SORCS3: variants seen among roughly 807,000 people sequenced by gnomAD.
SORCS3 encodes VPS10 domain-containing receptor SorCS3.
In SORCS3, 57 loss-of-function variants were observed where a neutral mutation model predicts 146.3. The observed-to-expected ratio is 0.39, with a 90% CI of 0.31 to 0.49. The LOEUF is 0.49. Among genes scored for constraint, SORCS3 ranks in the 20% least tolerant of loss-of-function variants. The pLI is 0.92. For missense variants in SORCS3, 1,341 were observed against 1,575.5 expected (o/e 0.85, Z 2.52); for synonymous variants, 653 against 618.5 (o/e 1.06, Z -0.83).
At chr10:104,654,213 A>G (rs189532727) in intron 1 of SORCS3, among the ~76,000 whole-genome samples, 2 of 152,352 alleles carry the variant, frequency 1.3e-5, no homozygotes, top group Admixed American at 6.5e-5. Flanking sequence ...GTTGATGGAC[A>G]GTCAGGTTGC....
At position 104,960,811 on chromosome 10, in the gene SORCS3, A is replaced by G. The variant is rs115578743; in HGVS notation, c.796-16524A>G. 2.6e-3 allele frequency among the ~76,000 whole-genome samples: 389 copies of G among 152,298 alleles called. 2 individuals carry two copies. Among genetic ancestry groups the G allele is most frequent in the African/African-American group, 8.8e-3 (367 of 41,566 alleles). On this transcript the variant is annotated intron_variant, in intron 3 of 26. Transcript: ENST00000369701. ...TCCTATAGGAAGAATTTAAGGTCCA[A>G]TGGAAAAAACAGGGTTAGCAGGTGA...
intron 1 of SORCS3, among the ~76,000 whole-genome samples, chr10:104,671,235 A>C (rs1203336483): frequency 6.7e-6 from 1 of 148,392 alleles, no homozygotes; most frequent in African/African-American, 2.5e-5. Flanking sequence ...CTAGAGGAAA[A>C]GTTTTCAGTC....
Position 105,223,245 on chromosome 10 carries a change from C to T in SORCS3, c.2864C>T (p.Thr955Ile). The change falls in exon 20 of 27, where the codon ACA becomes ATA. Residue 955 changes from threonine (T) to isoleucine (I), a missense_variant. Transcript: ENST00000369701. The stretch of plus-strand genomic sequence containing the variant: ...TATTTCTGGTGGTTCGGCAATAGCA[C>T]AAAGGTTTGGCCCTTTCTGATTGAT... ...LTYFWWFGNS[T>I]KPLITLDSSI... The T allele has an allele frequency of 1.9e-6, 3 of 1,610,752 alleles. No homozygotes were observed. Among genetic ancestry groups the T allele is most frequent in the Non-Finnish European group, 2.5e-6 (3 of 1,177,690 alleles).
At chr10:105,043,220 C>A in intron 5 of SORCS3, 92 bp downstream of exon 5, 2 of 1,109,944 alleles carry the variant, frequency 1.8e-6, no homozygotes, top group Non-Finnish European at 2.7e-6. Flanking sequence ...GCAGTTCTTG[C>A]AGACAAATGT....
intron 4 of SORCS3, among the ~76,000 whole-genome samples, chr10:105,009,379 G>T (rs572900267): frequency 6.6e-6 from 1 of 152,012 alleles, no homozygotes; most frequent in Non-Finnish European, 1.5e-5. Context: ...ACATCCAAAG[G>T]GGTATTATGT....
chr10:104,661,655 G>T (rs894308550), intron 1 of SORCS3, among the ~76,000 whole-genome samples: 1 of 151,862 alleles, frequency 6.6e-6, no homozygotes, highest in African/African-American at 2.4e-5. Context: ...GTTATTTAAG[G>T]TAGTATGATT....
intron 1 of SORCS3, among the ~76,000 whole-genome samples, chr10:104,830,708 G>T (rs2017990838): frequency 6.6e-6 from 1 of 152,184 alleles, no homozygotes; most frequent in Admixed American, 6.5e-5. Flanking sequence ...AGGATTGTGG[G>T]GTGAGAGTAA....
intron 2 of SORCS3, among the ~76,000 whole-genome samples, chr10:104,857,250 A>C (rs1032811298): frequency 6.6e-6 from 1 of 151,996 alleles, no homozygotes; most frequent in African/African-American, 2.4e-5. Context: ...AGACAGTGAA[A>C]GCCACATAGT....
intron 1 of SORCS3, among the ~76,000 whole-genome samples, chr10:104,769,908 G>A (rs1202340269): frequency 6.6e-6 from 1 of 152,258 alleles, no homozygotes; most frequent in South Asian, 2.1e-4. Flanking sequence ...TCTTTTGGGG[G>A]CCATTTGGGA....
chr10:105,085,416 C>G (rs549346089), intron 5 of SORCS3, among the ~76,000 whole-genome samples: 45 of 152,308 alleles, frequency 3.0e-4, no homozygotes, highest in African/African-American at 1.1e-3. Context: ...TTCATTTCCT[C>G]CCCTGTGGAC....
At chr10:105,044,944 A>T (rs1384689896) in intron 5 of SORCS3, among the ~76,000 whole-genome samples, 1 of 150,284 alleles carries the variant, frequency 6.7e-6, no homozygotes, top group Admixed American at 6.7e-5. Context: ...CTGCTATTTC[A>T]CTTATAGAAC....
At chr10:105,092,230 C>A (rs1008582212) in intron 6 of SORCS3, among the ~76,000 whole-genome samples, 6 of 152,192 alleles carry the variant, frequency 3.9e-5, no homozygotes, top group African/African-American at 1.4e-4. Flanking sequence ...ACACTTAGAA[C>A]AGTTTCTGGC....
At chr10:104,710,489 T>C (rs1033470588) in intron 1 of SORCS3, among the ~76,000 whole-genome samples, 1 of 152,134 alleles carries the variant, frequency 6.6e-6, no homozygotes, top group African/African-American at 2.4e-5. Context: ...ACAAATGCAA[T>C]GTACAATCCA....
intron 1 of SORCS3, among the ~76,000 whole-genome samples, chr10:104,723,642 G>T (rs1201253545): frequency 6.6e-5 from 10 of 152,150 alleles, no homozygotes; most frequent in Admixed American, 6.5e-5. Flanking sequence ...CTAAGGACTT[G>T]CTTTATGAAT....
intron 1 of SORCS3, among the ~76,000 whole-genome samples, chr10:104,671,598 A>G (rs1376969831): frequency 1.3e-5 from 2 of 151,720 alleles, no homozygotes; most frequent in African/African-American, 4.8e-5. Flanking sequence ...TCAGGCTCTC[A>G]AAGTGCTGGG....
chr10:104,747,498 C>A (rs2016925133), intron 1 of SORCS3, among the ~76,000 whole-genome samples: 1 of 152,100 alleles, frequency 6.6e-6, no homozygotes, highest in Non-Finnish European at 1.5e-5. Context: ...CTGATACTTC[C>A]AATACGCTGA....
At chr10:104,818,405 T>TTCCTTCC (rs1564690833) in intron 1 of SORCS3, among the ~76,000 whole-genome samples, 4 of 91,322 alleles carry the variant, frequency 4.4e-5, no homozygotes, top group African/African-American at 1.4e-4. Flanking sequence ...TCCTTCCTTC[T>TTCCTTCC]TTCTCTCTTT....
At chr10:104,919,775 A>C (rs951581594) in intron 3 of SORCS3, among the ~76,000 whole-genome samples, 1 of 152,142 alleles carries the variant, frequency 6.6e-6, no homozygotes, top group African/African-American at 2.4e-5. Context: ...ATGAAATTGG[A>C]TTCATTTTCA....
chr10:104,952,405 G>T (rs763512174), intron 3 of SORCS3, among the ~76,000 whole-genome samples: 17 of 151,616 alleles, frequency 1.1e-4, no homozygotes, highest in Non-Finnish European at 2.1e-4. Context: ...TAGAAGTGTA[G>T]AATCTCACAC....
Sources: allele counts gnomAD v4.1 joint callset (sites outside exome capture counted in the v4.1 genomes callset), GRCh38; gene constraint gnomAD v4.1.1; transcripts MANE v1.5; gene names NCBI Gene and HGNC (gene_info 2026-07-23, HGNC 2026-07-21).